PIEZO2: variants seen among roughly 807,000 people sequenced by gnomAD.
PIEZO2 encodes piezo type mechanosensitive ion channel component 2.
A neutral mutation model predicts 337.3 loss-of-function variants in PIEZO2; 172 were observed. That is an observed-to-expected ratio of 0.51 (90% CI 0.45 to 0.58). The LOEUF (loss-of-function observed/expected upper bound fraction) is 0.58. Among genes scored for constraint, PIEZO2 ranks in the 20% least tolerant of loss-of-function variants. The probability of loss-of-function intolerance (pLI) is 0.00; values close to 1 mark genes in which losing one functional copy is unlikely to be tolerated. For missense variants in PIEZO2, 3,028 were observed against 3,391.3 expected, an observed-to-expected ratio of 0.89 and a Z score of 2.66; for synonymous variants, 1,251 against 1,228.5, an observed-to-expected ratio of 1.02 and a Z score of -0.38.
intron 2 of PIEZO2, among the ~76,000 whole-genome samples, chr18:11,041,742 T>C (rs1242714554): frequency 1.2e-4 from 18 of 152,366 alleles, no homozygotes; most frequent in African/African-American, 4.3e-4. Flanking sequence ...TAAATGAATG[T>C]AAATGCTATA....
intron 7 of PIEZO2, among the ~76,000 whole-genome samples, chr18:10,835,821 C>G (rs1423568252): frequency 6.6e-6 from 1 of 152,246 alleles, no homozygotes; most frequent in African/African-American, 2.4e-5. Flanking sequence ...GCCAGCGCGT[C>G]CAGCCTGAGT....
chr18:11,120,315 TG>T (rs1463558974), intron 1 of PIEZO2, among the ~76,000 whole-genome samples: 1 of 152,210 alleles, frequency 6.6e-6, no homozygotes, highest in African/African-American at 2.4e-5. Flanking sequence ...CCACAAAATA[TG>T]TTTTTTTTTC....
chr18:10,889,215 C>A (rs1224902320), intron 4 of PIEZO2, among the ~76,000 whole-genome samples: 1 of 152,176 alleles, frequency 6.6e-6, no homozygotes, highest in African/African-American at 2.4e-5. Context: ...TCCCCAAGTA[C>A]TATCAGTTTT....
At chr18:11,068,071 G>A (rs902122929) in intron 1 of PIEZO2, among the ~76,000 whole-genome samples, 9 of 152,104 alleles carry the variant, frequency 5.9e-5, no homozygotes, top group Admixed American at 2.6e-4. Context: ...GCAGGCATCC[G>A]CCACACGCCC....
chr18:11,048,040 C>T lies in PIEZO2; in HGVS notation c.160+18087G>A, dbSNP rs537863176. Among the ~76,000 whole-genome samples the T allele has an allele frequency of 2.0e-5, 3 of 152,236 alleles. No homozygotes were observed. Among genetic ancestry groups the T allele is most frequent in the African/African-American group, 7.2e-5 (3 of 41,544 alleles). ...GCTCTGAAAGTGGTTCCAGGCCAAC[C>T]CACCCAGTGACACCTGCTGGGTGTA... On this transcript the variant is annotated intron_variant, in intron 2 of 55. Transcript: ENST00000674853. This position sits in a 1 kb window ranked among gnomAD's most constrained non-coding sequence, Gnocchi z 4.5.
At chr18:10,680,832 C>A (rs1029509010) in intron 51 of PIEZO2, among the ~76,000 whole-genome samples, 52 of 152,062 alleles carry the variant, frequency 3.4e-4, no homozygotes, top group African/African-American at 1.1e-3. Flanking sequence ...AAGAAAGAAG[C>A]ATCTCCTTCC....
rs1020430226 is a variant in PIEZO2, at chr18:11,069,698, A to G, written c.65-3476T>C. Among the ~76,000 whole-genome samples the G allele has an allele frequency of 2.0e-5, 3 of 152,236 alleles. No individual in the cohort carries two copies. Among genetic ancestry groups the G allele is most frequent in the African/African-American group, 7.2e-5 (3 of 41,468 alleles). ...CAGAGGAATTAGGCAAGAAAAAGAA[A>G]TCAATACATCAAAATTGGAAAGGAA... On this transcript the variant is annotated intron_variant, in intron 1 of 55. Transcript: ENST00000674853. The surrounding 1 kb of genome is among the most constrained non-coding windows in gnomAD (Gnocchi z 4.9).
At position 10,837,765 on chromosome 18, in the gene PIEZO2, T is replaced by C. The variant is rs372546575; in HGVS notation, c.917+17588A>G. 4.7e-4 allele frequency among the ~76,000 whole-genome samples: 72 copies of C among 152,254 alleles called. 1 individual carries two copies. In the East Asian group the frequency reaches 0.011, roughly 23 times the overall value. On this transcript the variant is annotated intron_variant, in intron 7 of 55. Coordinates refer to ENST00000674853, the MANE Select transcript of PIEZO2 (RefSeq NM_001378183.1). This position sits in a 1 kb window ranked among gnomAD's most constrained non-coding sequence, Gnocchi z 4.4. ...TCCTCATTTTTTTTTGTTGTTGTTG[T>C]TGTTGAGATGAAGTCTCACTCTGTC...
intron 4 of PIEZO2, among the ~76,000 whole-genome samples, chr18:10,873,576 C>T (rs1598612945): frequency 6.6e-6 from 1 of 151,626 alleles, no homozygotes; most frequent in East Asian, 1.9e-4. Flanking sequence ...ATTTTTACAA[C>T]TCATTGATGA....
chr18:10,842,696 G>A (rs1431210975), intron 7 of PIEZO2, among the ~76,000 whole-genome samples: 1 of 152,182 alleles, frequency 6.6e-6, no homozygotes, highest in African/African-American at 2.4e-5. Flanking sequence ...TTCCTTCATG[G>A]CAACATTAAA....
rs143191022 is a variant in PIEZO2, at chr18:10,856,496, C to T, written c.703+505G>A. On this transcript the variant is annotated intron_variant, in intron 6 of 55. Transcript: ENST00000674853. The surrounding 1 kb of genome is among the most constrained non-coding windows in gnomAD (Gnocchi z 4.7). Reference sequence around the variant, plus strand: ...CAAGATAACATTATTATGGAATAAGCGGTCCAAGTCCAAAATTTAAAGGAA... The same window carrying T: ...CAAGATAACATTATTATGGAATAAGTGGTCCAAGTCCAAAATTTAAAGGAA... Among the ~76,000 whole-genome samples the T allele has an allele frequency of 2.0e-3, 312 of 152,222 alleles. No homozygotes were observed. The highest frequency in any genetic ancestry group is 6.9e-3 in the African/African-American group (285 of 41,522).
At position 11,035,475 on chromosome 18, in the gene PIEZO2, A is replaced by G. The variant is rs1258540313; in HGVS notation, c.160+30652T>C. 1.3e-5 allele frequency among the ~76,000 whole-genome samples: 2 copies of G among 152,192 alleles called. No individual in the cohort carries two copies. The highest frequency in any genetic ancestry group is 3.9e-4 in the East Asian group (2 of 5,194). On this transcript the variant is annotated intron_variant, in intron 2 of 55. Transcript: ENST00000674853. This position sits in a 1 kb window ranked among gnomAD's most constrained non-coding sequence, Gnocchi z 4.3. ...CACAGCCTGCAGGACCATGAGTTAA[A>G]TAAACCTGTTTCCTTTACATATCTC...
In PIEZO2 at chr18:11,038,933, A is replaced by C. The variant is rs2037017867; in HGVS notation, c.160+27194T>G. Among the ~76,000 whole-genome samples, 1 of 152,218 alleles carries C rather than the reference A, an allele frequency of 6.6e-6. No homozygotes were observed. Among genetic ancestry groups the C allele is most frequent in the African/African-American group, 2.4e-5 (1 of 41,456 alleles). Reference sequence around the variant, plus strand: ...AGAATCATGATTTTGAAACCACTGTAGCTTTGACTAGACATAGGTGGATAG... The same window carrying C: ...AGAATCATGATTTTGAAACCACTGTCGCTTTGACTAGACATAGGTGGATAG... On this transcript the variant is annotated intron_variant, in intron 2 of 55. Transcript: ENST00000674853. This position sits in a 1 kb window ranked among gnomAD's most constrained non-coding sequence, Gnocchi z 4.1.
In PIEZO2 at chr18:11,032,253, A is replaced by G. The variant is rs1028128850; in HGVS notation, c.160+33874T>C. On this transcript the variant is annotated intron_variant, in intron 2 of 55. Coordinates refer to ENST00000674853, the MANE Select transcript of PIEZO2 (RefSeq NM_001378183.1). This position sits in a 1 kb window ranked among gnomAD's most constrained non-coding sequence, Gnocchi z 4.9. Reference sequence around the variant, plus strand: ...GTCTCCAGTGTGGTCCACAGGACAGAGGACAACATTTGGAACAAATGCAAC... The same window carrying G: ...GTCTCCAGTGTGGTCCACAGGACAGGGGACAACATTTGGAACAAATGCAAC... Among the ~76,000 whole-genome samples, 1 of 152,218 alleles carries G rather than the reference A, an allele frequency of 6.6e-6. No homozygotes were observed. The highest frequency in any genetic ancestry group is 2.4e-5 in the African/African-American group (1 of 41,466).
rs769533876 is a variant in PIEZO2 at position 10,807,182 on chromosome 18, T to C, written c.1010A>G (p.Asn337Ser). ...NPDLSWYHHA[N>S]PILLLVMYYT... ...GTACATCACCAGCAGGAGGATAGGG[T>C]TGGCGTGGTGGTACCACGACAGGTC... Residue 337 changes from asparagine to serine, a missense_variant, in exon 8 of 56, where the codon AAC becomes AGC. By Grantham distance (46) the Asn-to-Ser change is conservative (BLOSUM62 1). This residue lies in a region of PIEZO2 where 542 missense variants were observed against 605.6 expected (regional missense o/e 0.89). Transcript: ENST00000674853. 1 of 1,537,176 alleles carries C rather than the reference T, an allele frequency of 6.5e-7. No individual in the cohort carries two copies. The highest frequency in any genetic ancestry group is 1.4e-5 in the African/African-American group (1 of 73,136).
rs2033764354 is a variant in PIEZO2, at chr18:10,671,353, C to T, written c.*174G>A. 2 of 617,798 alleles carry T rather than the reference C, an allele frequency of 3.2e-6. No individual in the cohort carries two copies. The highest frequency in any genetic ancestry group is 3.5e-5 in the Admixed American group (1 of 28,356). 38.3% of individuals were successfully genotyped at this position (617,798 alleles called of 1,614,324 possible). On this transcript the variant is annotated 3_prime_UTR_variant, in exon 56 of 56. Transcript: ENST00000674853. Reference sequence around the variant, plus strand: ...GTTACAAATAACATTTTCAACAGTGCCTTAACTTGCAAGGTAGCTTTTACT... The same window carrying T: ...GTTACAAATAACATTTTCAACAGTGTCTTAACTTGCAAGGTAGCTTTTACT...
At chr18:10,842,036 G>A (rs1319223846) in intron 7 of PIEZO2, among the ~76,000 whole-genome samples, 1 of 151,620 alleles carries the variant, frequency 6.6e-6, no homozygotes, top group Non-Finnish European at 1.5e-5. Context: ...TGCGCCTGTA[G>A]TCCCAGGTAC....
At chr18:10,799,547 A>G (rs529734372) in intron 11 of PIEZO2, among the ~76,000 whole-genome samples, 3 of 152,340 alleles carry the variant, frequency 2.0e-5, no homozygotes, top group Admixed American at 2.0e-4. Context: ...CTCAGCCCCA[A>G]GTCACCAATT....
Position 10,924,552 on chromosome 18 carries a change from T to G in PIEZO2, c.287-13324A>C, listed in dbSNP as rs374729979. ...AGGTCCTATGTTGCGGCCCCACACG[T>G]GTGCTAAGGACACAAAATGACTGAG... On this transcript the variant is annotated intron_variant, in intron 3 of 55. Transcript: ENST00000674853. Among the ~76,000 whole-genome samples, 16 of 152,322 alleles carry G rather than the reference T, an allele frequency of 1.1e-4. No individual in the cohort carries two copies. The South Asian group carries it at 1.7e-3, about 16-fold the overall frequency.
Sources: allele counts gnomAD v4.1 joint callset (sites outside exome capture counted in the v4.1 genomes callset), GRCh38; gene constraint gnomAD v4.1.1; regional missense constraint gnomAD v4.1.1; non-coding constraint Gnocchi (gnomAD v3.1); transcripts MANE v1.5; gene names NCBI Gene and HGNC (gene_info 2026-07-23, HGNC 2026-07-21).